Variants in CLASP1 observed in about 807,000 individuals in gnomAD.
CLASP1 encodes the protein CLIP-associating protein 1.
A neutral mutation model predicts 192.3 loss-of-function variants in CLASP1; 38 were observed. That is an observed-to-expected ratio of 0.20 (90% CI 0.15 to 0.26). The LOEUF (loss-of-function observed/expected upper bound fraction) is 0.26. Among genes scored for constraint, CLASP1 ranks in the 10% least tolerant of loss-of-function variants. CLASP1 has a pLI of 1.00. For synonymous variants in CLASP1, 691 were observed against 712.8 expected (o/e 0.97, Z 0.49); for missense variants, 1,433 against 1,932.5 (o/e 0.74, Z 4.85).
At chr2:121,385,341 AAAT>A (rs1018973648) in intron 32 of CLASP1, among the ~76,000 whole-genome samples, 3 of 152,258 alleles carry the variant, frequency 2.0e-5, no homozygotes, top group Non-Finnish European at 4.4e-5. Context: ...GAAACTACAT[AAAT>A]AATTCCCTAA....
At chr2:121,470,647 C>A (rs1013548394) in intron 8 of CLASP1, 4 of 452,604 alleles carry the variant, frequency 8.8e-6, no homozygotes, top group East Asian at 7.0e-5. Context: ...TACTTTCCTA[C>A]ACTTTTTTTT....
chr2:121,598,671 G>A (rs1329288009), intron 2 of CLASP1, among the ~76,000 whole-genome samples: 2 of 152,008 alleles, frequency 1.3e-5, no homozygotes, highest in Non-Finnish European at 2.9e-5. Flanking sequence ...ATAAAAATTA[G>A]GATACCACTA....
chr2:121,636,541 T>C (rs945712609), intron 1 of CLASP1, among the ~76,000 whole-genome samples: 1 of 151,796 alleles, frequency 6.6e-6, no homozygotes, highest in African/African-American at 2.4e-5. Context: ...GGCTCATGCC[T>C]GTAATCCCAG....
intron 8 of CLASP1, 74 bp downstream of exon 8, chr2:121,503,093 C>A: frequency 1.1e-6 from 1 of 908,288 alleles, no homozygotes. Flanking sequence ...CCTAATTCAG[C>A]TCTTCACATA....
At chr2:121,513,786 T>G (rs962186722) in intron 7 of CLASP1, among the ~76,000 whole-genome samples, 1 of 152,240 alleles carries the variant, frequency 6.6e-6, no homozygotes, top group Admixed American at 6.5e-5. Flanking sequence ...CAGTGAGTTG[T>G]AACAACACAA....
At chr2:121,502,762 C>T (rs2093798900) in intron 8 of CLASP1, among the ~76,000 whole-genome samples, 1 of 152,128 alleles carries the variant, frequency 6.6e-6, no homozygotes, top group African/African-American at 2.4e-5. Flanking sequence ...GACTTGTATT[C>T]TGAAAGGATT....
intron 2 of CLASP1, among the ~76,000 whole-genome samples, chr2:121,539,207 G>A (rs1396433450): frequency 6.6e-6 from 1 of 152,070 alleles, no homozygotes; most frequent in African/African-American, 2.4e-5. Context: ...GAATGGCAAG[G>A]CACTCTTTTG....
intron 33 of CLASP1, among the ~76,000 whole-genome samples, chr2:121,380,597 G>A (rs1427711383): frequency 1.3e-5 from 2 of 152,210 alleles, no homozygotes; most frequent in Non-Finnish European, 2.9e-5. Flanking sequence ...GAGAGAAACT[G>A]GAGAGAGAAG....
Position 121,500,401 on chromosome 2 carries a change from G to GAA in CLASP1, c.712+2764_712+2765dup, listed in dbSNP as rs1271638932. 7.6e-5 allele frequency among the ~76,000 whole-genome samples: 8 copies of GAA among 105,656 alleles called. No homozygotes were observed. In the East Asian group the frequency reaches 1.7e-3, roughly 22 times the overall value. The allele number at this position is 105,656 out of a possible 152,430, so 69.3% of individuals were successfully genotyped here. Reference sequence around the variant, plus strand: ...GAAAGAAAGAAAGAAAGAAAGAAAAGAAAGAAAGAAAGAAAAAAAAGAAAA... The same window carrying GAA: ...GAAAGAAAGAAAGAAAGAAAGAAAAGAAAAAGAAAGAAAGAAAAAAAAGAAAA... On this transcript the variant is annotated intron_variant, in intron 8 of 39. Transcript: ENST00000263710.
intron 2 of CLASP1, among the ~76,000 whole-genome samples, chr2:121,572,739 T>C (rs991870287): frequency 2.7e-5 from 4 of 148,788 alleles, no homozygotes; most frequent in South Asian, 4.2e-4. Context: ...CTACCAAAAA[T>C]ATATATATGA....
chr2:121,379,370 A>T (rs572128412), intron 33 of CLASP1, among the ~76,000 whole-genome samples: 24 of 152,208 alleles, frequency 1.6e-4, no homozygotes, highest in Non-Finnish European at 2.9e-4. Context: ...AACCTCTTCT[A>T]TGTTCACAAG....
chr2:121,445,324 A>G (rs572520480), intron 19 of CLASP1: 11 of 442,238 alleles, frequency 2.5e-5, no homozygotes, highest in South Asian at 1.5e-4. Flanking sequence ...GAGAGGAGGA[A>G]CTAGAAGCTA....
chr2:121,487,428 T>C (rs773942845), intron 8 of CLASP1, among the ~76,000 whole-genome samples: 5 of 152,224 alleles, frequency 3.3e-5, no homozygotes, highest in African/African-American at 4.8e-5. Context: ...CCTTTAACTA[T>C]TGTCCCCAGC....
At chr2:121,520,402 G>A (rs1430346605) in intron 6 of CLASP1, among the ~76,000 whole-genome samples, 1 of 152,124 alleles carries the variant, frequency 6.6e-6, no homozygotes, top group African/African-American at 2.4e-5. Context: ...TTGGAGCGTG[G>A]GTACCCCAGC....
rs569481485 is a variant in CLASP1, at chr2:121,354,940, G to GT, written c.4207-6223dup. Among the ~76,000 whole-genome samples, 58 of 152,258 alleles carry GT rather than the reference G, an allele frequency of 3.8e-4. No individual in the cohort carries two copies. The South Asian group carries it at 6.0e-3, about 16-fold the overall frequency. ...CAGGTAACTGATTGCCGGGTTCGTG[G>GT]TGAGAACTCGTGGTTTTCCTTCTCT... is the stretch of plus-strand genomic sequence containing the variant. On this transcript the variant is annotated intron_variant, in intron 37 of 39. Transcript: ENST00000263710.
At chr2:121,398,165 G>A (rs1574313927) in intron 29 of CLASP1, among the ~76,000 whole-genome samples, 157 bp downstream of exon 30, 1 of 152,204 alleles carries the variant, frequency 6.6e-6, no homozygotes, top group Non-Finnish European at 1.5e-5. Flanking sequence ...ACTAGGTACT[G>A]AACCAAGAGA....
intron 19 of CLASP1, among the ~76,000 whole-genome samples, chr2:121,446,088 AAG>A (rs2084280222): frequency 6.6e-6 from 1 of 152,232 alleles, no homozygotes. Flanking sequence ...CGATTTTAAA[AAG>A]AGAGTTCTTA....
chr2:121,406,010 G>A (rs2076864110), intron 25 of CLASP1, among the ~76,000 whole-genome samples: 1 of 152,128 alleles, frequency 6.6e-6, no homozygotes, highest in Admixed American at 6.5e-5. Flanking sequence ...TCATCCAAAG[G>A]ATAAAGTAGA....
intron 7 of CLASP1, among the ~76,000 whole-genome samples, chr2:121,507,465 C>T (rs1227956765): frequency 6.6e-6 from 1 of 152,084 alleles, no homozygotes; most frequent in Non-Finnish European, 1.5e-5. Context: ...AATGTACCAA[C>T]ATAGTCACAT....
Sources: allele counts gnomAD v4.1 joint callset (sites outside exome capture counted in the v4.1 genomes callset), GRCh38; gene constraint gnomAD v4.1.1; transcripts MANE v1.5; gene names NCBI Gene and HGNC (gene_info 2026-07-23, HGNC 2026-07-21).